The following FNIP2 variants were observed in gnomAD, a reference collection of about 807,000 sequenced individuals.
FNIP2 encodes folliculin interacting protein 2.
FNIP2 carries 32 observed loss-of-function variants against 108.7 expected under a neutral mutation model. The observed-to-expected ratio is 0.29, with a 90% CI of 0.22 to 0.40. The LOEUF (loss-of-function observed/expected upper bound fraction) is 0.40. FNIP2 is among the 10% of genes least tolerant of loss of function. FNIP2 has a pLI of 1.00. For missense variants in FNIP2, 1,202 were observed against 1,381.6 expected, an observed-to-expected ratio of 0.87 and a Z score of 2.06; for synonymous variants, 480 against 496.7, an observed-to-expected ratio of 0.97 and a Z score of 0.45.
intron 1 of FNIP2, among the ~76,000 whole-genome samples, chr4:158,771,659 A>C (rs900961391): frequency 1.3e-5 from 2 of 152,230 alleles, no homozygotes; most frequent in African/African-American, 4.8e-5. Flanking sequence ...TACAGGATGT[A>C]ACTTGTTTAT....
chr4:158,883,462 C>T (rs1274366680), intron 14 of FNIP2, among the ~76,000 whole-genome samples: 2 of 152,142 alleles, frequency 1.3e-5, no homozygotes, highest in African/African-American at 2.4e-5. Flanking sequence ...AGGATGGTCT[C>T]GATCTCCTGA....
intron 7 of FNIP2, among the ~76,000 whole-genome samples, chr4:158,848,805 C>T (rs934680944): frequency 2.6e-5 from 4 of 152,218 alleles, no homozygotes; most frequent in Non-Finnish European, 5.9e-5. Context: ...AGCAGAAATT[C>T]TGGAGTTGAA....
intron 1 of FNIP2, 46 bp downstream of exon 1, chr4:158,769,365 C>G: frequency 7.4e-7 from 1 of 1,345,478 alleles, no homozygotes. Flanking sequence ...CCCGAGTTGG[C>G]TTCGGTGCTC....
At chr4:158,874,838 G>C (rs1278608283) in intron 14 of FNIP2, among the ~76,000 whole-genome samples, 1 of 151,938 alleles carries the variant, frequency 6.6e-6, no homozygotes, top group Non-Finnish European at 1.5e-5. Context: ...CAGCACTTTG[G>C]GAGGCCGAGG....
chr4:158,902,427 A>G (rs532716664), intron 16 of FNIP2, among the ~76,000 whole-genome samples: 1 of 152,246 alleles, frequency 6.6e-6, no homozygotes, highest in African/African-American at 2.4e-5. Context: ...GTCGGCCCCT[A>G]CTGGGAGGTG....
chr4:158,822,893 T>C (rs1468210695), intron 1 of FNIP2, among the ~76,000 whole-genome samples: 1 of 152,210 alleles, frequency 6.6e-6, no homozygotes, highest in East Asian at 1.9e-4. Context: ...TTTAAAAATT[T>C]TTAAATTAAA....
chr4:158,882,255 G>T (rs1272694851), intron 14 of FNIP2, among the ~76,000 whole-genome samples: 1 of 151,424 alleles, frequency 6.6e-6, no homozygotes, highest in Middle Eastern at 3.5e-3. Context: ...GAAGTGAGGA[G>T]CCCCTCCGCC....
Position 158,885,651 on chromosome 4 carries a change from G to A in FNIP2, c.2950-5795G>A, listed in dbSNP as rs116704722. ...TAATGTGTTGGGTTCTATGCTACAC[G>A]TTTCAACACATTTTTCTCACAGAAA... is the stretch of plus-strand genomic sequence containing the variant. On this transcript the variant is annotated intron_variant, in intron 14 of 16. Coordinates refer to ENST00000264433, the MANE Select transcript of FNIP2 (RefSeq NM_020840.3). Among the ~76,000 whole-genome samples the A allele has an allele frequency of 2.8e-3, 426 of 152,270 alleles. 3 individuals carry two copies. Among genetic ancestry groups the A allele is most frequent in the African/African-American group, 9.7e-3 (402 of 41,554 alleles).
chr4:158,835,607 A>G (rs1578888600), intron 7 of FNIP2, 131 bp downstream of exon 7: 1 of 730,380 alleles, frequency 1.4e-6, no homozygotes, highest in Non-Finnish European at 2.3e-6. Flanking sequence ...AGATAGTCTG[A>G]CATATCTAAA....
intron 16 of FNIP2, among the ~76,000 whole-genome samples, chr4:158,899,070 C>T (rs750408326): frequency 2.2e-4 from 33 of 152,104 alleles, no homozygotes; most frequent in African/African-American, 7.5e-4. Context: ...TGAGTTTTGT[C>T]GAAGGCCTTT....
At chr4:158,853,901 A>G (rs1057411083) in intron 8 of FNIP2, among the ~76,000 whole-genome samples, 6 of 152,236 alleles carry the variant, frequency 3.9e-5, no homozygotes, top group African/African-American at 1.4e-4. Context: ...CATGAGTTAT[A>G]TATAATTCAA....
At chr4:158,781,034 C>CAAAAAAAAAAAA (rs70962632) in intron 1 of FNIP2, among the ~76,000 whole-genome samples, 1 of 130,520 alleles carries the variant, frequency 7.7e-6, no homozygotes, top group Admixed American at 7.5e-5. Context: ...GAGTCCTTCT[C>CAAAAAAAAAAAA]AAAAAAAAAA....
intron 1 of FNIP2, among the ~76,000 whole-genome samples, chr4:158,793,141 C>CT (rs1429060115): frequency 6.6e-6 from 1 of 152,158 alleles, no homozygotes; most frequent in Non-Finnish European, 1.5e-5. Flanking sequence ...TTCATGGGAA[C>CT]TTTGAGCTCT....
Position 158,829,180 on chromosome 4 carries a change from T to G in FNIP2, c.336T>G (p.Ser112=). The change falls in exon 3 of 17, where the codon TCT becomes TCG. Residue 112 remains serine, a synonymous_variant. Transcript: ENST00000264433. ...GCAGCATCTCTTCCCACAGTTCTTC[T>G]GGGGGATCTTCACATCATGCTAAGG... ...SSSSISSHSS[S]GGSSHHAKEQ... is the part of the protein sequence containing the mutation. 2 of 1,613,052 alleles carry G rather than the reference T, an allele frequency of 1.2e-6. No individual in the cohort carries two copies. Among genetic ancestry groups the G allele is most frequent in the Non-Finnish European group, 1.7e-6 (2 of 1,179,490 alleles).
rs772094756 is a variant in FNIP2, at chr4:158,831,966, G to A, written c.482+5G>A. 3 of 1,607,664 alleles carry A rather than the reference G, an allele frequency of 1.9e-6. No individual in the cohort carries two copies. In the African/African-American group the frequency reaches 4.0e-5, roughly 21 times the overall value. ...CTTAAAGATACACTACATACGGTGA[G>A]TCTGGGCTTCCTTTTCTACTAGTTT... On this transcript the variant is annotated splice_donor_5th_base_variant and intron_variant, in intron 4 of 16. Coordinates refer to ENST00000264433, the MANE Select transcript of FNIP2 (RefSeq NM_020840.3).
intron 1 of FNIP2, among the ~76,000 whole-genome samples, chr4:158,795,420 C>T (rs1331523972): frequency 2.0e-5 from 3 of 152,216 alleles, no homozygotes; most frequent in Non-Finnish European, 2.9e-5. Flanking sequence ...GAAGTTCATC[C>T]TCTGGCTCAG....
intron 1 of FNIP2, among the ~76,000 whole-genome samples, chr4:158,780,340 TGAAATCTTTTA>T (rs1477995034): frequency 6.6e-6 from 1 of 152,248 alleles, no homozygotes; most frequent in East Asian, 1.9e-4. Flanking sequence ...ATGACTTCCC[TGAAATCTTTTA>T]GAAATCTTTT....
chr4:158,822,852 C>T (rs1360205418), intron 1 of FNIP2, among the ~76,000 whole-genome samples: 1 of 152,152 alleles, frequency 6.6e-6, no homozygotes, highest in Non-Finnish European at 1.5e-5. Context: ...ATGAGACAAT[C>T]TGAAATACAT....
rs189451387 is a variant in FNIP2, at chr4:158,883,320, C to A, written c.2950-8126C>A. Among the ~76,000 whole-genome samples the A allele has an allele frequency of 4.2e-3, 633 of 152,226 alleles. 3 individuals carry two copies. The highest frequency in any genetic ancestry group is 0.01 in the Middle Eastern group (3 of 294). On this transcript the variant is annotated intron_variant, in intron 14 of 16. Coordinates refer to ENST00000264433, the MANE Select transcript of FNIP2 (RefSeq NM_020840.3). ...GCAGTGGCGCAGTCTCGGCTCACTG[C>A]AAGCTCCGCCTCCTGGGTTCACGCC...
Sources: allele counts gnomAD v4.1 joint callset (sites outside exome capture counted in the v4.1 genomes callset), GRCh38; gene constraint gnomAD v4.1.1; transcripts MANE v1.5; gene names NCBI Gene and HGNC (gene_info 2026-07-23, HGNC 2026-07-21).